NR4A1: variants seen among roughly 807,000 people sequenced by gnomAD.
The protein encoded by NR4A1 is nuclear receptor subfamily 4 group A member 1.
In NR4A1, 24 loss-of-function variants were observed where a neutral mutation model predicts 47.5. The ratio of observed to expected loss-of-function variants is 0.50; its 90% CI spans 0.37 to 0.71. NR4A1 has a LOEUF of 0.71. NR4A1 is among the 30% of genes least tolerant of loss of function. The pLI is 0.00. For missense variants in NR4A1, 669 were observed against 788.6 expected, an observed-to-expected ratio of 0.85 and a Z score of 1.82; for synonymous variants, 353 against 345.7, an observed-to-expected ratio of 1.02 and a Z score of -0.24.
rs950952006 is a variant in NR4A1 at position 52,051,534 on chromosome 12, C to T, written c.-37C>T. On this transcript the variant is annotated 5_prime_UTR_variant, in exon 1 of 7. Coordinates refer to ENST00000394825, the MANE Select transcript of NR4A1 (RefSeq NM_173157.3). ...CCAGGGACCAGGCTGAGACTCGGGG[C>T]GCCAGTCCGGGCAGGGGCAGCGGGA... The T allele has an allele frequency of 7.2e-5, 71 of 985,774 alleles. No homozygotes were observed. Among genetic ancestry groups the T allele is most frequent in the Non-Finnish European group, 8.3e-5 (69 of 830,306 alleles). The allele number at this position is 985,774 out of a possible 1,614,324, so 61.1% of individuals were successfully genotyped here. A position where few individuals can be genotyped will look rare whatever the true frequency, so the allele number is the denominator to read the frequency against.
At chr12:52,038,100 T>TG (rs1938309100) in intron 1 of NR4A1, 2 of 967,566 alleles carry the variant, frequency 2.1e-6, no homozygotes, top group Non-Finnish European at 2.4e-6. Context: ...AGTCTCGCTC[T>TG]GTTGCCCAGG....
chr12:52,049,849 TTGAG>T (rs1389724734), upstream of NR4A1, among the ~76,000 whole-genome samples: 11 of 151,798 alleles, frequency 7.2e-5, no homozygotes, highest in African/African-American at 1.4e-4. Context: ...TGTGGGACCT[TTGAG>T]TGGGCAGAAG....
chr12:52,042,203 A>T (rs966367552), intron 2 of NR4A1, among the ~76,000 whole-genome samples: 19 of 152,026 alleles, frequency 1.2e-4, no homozygotes, highest in East Asian at 5.8e-4. Flanking sequence ...GGAGTAGGGG[A>T]TGACAGCTGC....
chr12:52,056,641 C>A lies in NR4A1; in HGVS notation c.1154C>A (p.Ser385Tyr). ...CCCAGCACTGCCAAACTGGACTACT[C>A]CAAGGTGAGGTCCCACCCCGTGTCT... The part of the protein sequence containing the change: ...SGPSTAKLDY[S>Y]KFQELVLPHF... The change falls in exon 4 of 7, where the codon TCC becomes TAC. Residue 385 changes from serine (S) to tyrosine (Y), a missense_variant. Physicochemically the swap from Ser to Tyr is moderately radical, Grantham distance 144. Transcript: ENST00000394825. 6.3e-7 allele frequency: 1 copy of A among 1,586,282 alleles called. No homozygotes were observed. The highest frequency in any genetic ancestry group is 8.5e-7 in the Non-Finnish European group (1 of 1,171,008).
chr12:52,028,325 C>T (rs1938044423), intron 1 of NR4A1, among the ~76,000 whole-genome samples: 1 of 152,044 alleles, frequency 6.6e-6, no homozygotes, highest in South Asian at 2.1e-4. Context: ...CCTGTAATCC[C>T]AGCACTTTGG....
At chr12:52,028,062 C>T (rs1424796337) in intron 1 of NR4A1, among the ~76,000 whole-genome samples, 2 of 151,556 alleles carry the variant, frequency 1.3e-5, no homozygotes, top group African/African-American at 2.4e-5. Context: ...ATTAGCCGGG[C>T]GTGGTGGCAT....
At chr12:52,024,980 C>T (rs1204900305) in intron 1 of NR4A1, among the ~76,000 whole-genome samples, 2 of 152,058 alleles carry the variant, frequency 1.3e-5, no homozygotes, top group Non-Finnish European at 2.9e-5. Flanking sequence ...CTTCCTGAGA[C>T]TGCACGAGCT....
At position 52,059,068 on chromosome 12, in the gene NR4A1, A is replaced by C; in HGVS notation, c.*124A>C. On this transcript the variant is annotated 3_prime_UTR_variant, in exon 7 of 7. Transcript: ENST00000394825. Reference sequence around the variant, plus strand: ...AGCTGCAGAATGACTCCACCTTCTCACCTGCTCCAGGAGGTTTGCAGGGAG... The same window carrying C: ...AGCTGCAGAATGACTCCACCTTCTCCCCTGCTCCAGGAGGTTTGCAGGGAG... 15 of 1,254,702 alleles carry C rather than the reference A, an allele frequency of 1.2e-5. No homozygotes were observed. The highest frequency in any genetic ancestry group is 1.5e-5 in the Non-Finnish European group (14 of 924,388). The allele number at this position is 1,254,702 out of a possible 1,614,324, so 77.7% of individuals were successfully genotyped here.
At chr12:52,045,635 T>A (rs891645493) in intron 2 of NR4A1, 5 of 396,408 alleles carry the variant, frequency 1.3e-5, no homozygotes, top group Non-Finnish European at 2.6e-5. Flanking sequence ...GACAAGGGAC[T>A]GGCCTCAGGT....
chr12:52,043,925 C>A, intron 2 of NR4A1: 1 of 1,288,928 alleles, frequency 7.8e-7, no homozygotes, highest in South Asian at 1.2e-5. Context: ...AGTCTTGGGA[C>A]AGGGACATTG....
At chr12:52,031,680 A>C (rs1359647682) in intron 1 of NR4A1, among the ~76,000 whole-genome samples, 1 of 152,116 alleles carries the variant, frequency 6.6e-6, no homozygotes, top group Non-Finnish European at 1.5e-5. Flanking sequence ...TCCTTGGAGA[A>C]GCTTTCTCTT....
Position 52,055,207 on chromosome 12 carries a change from AC to A in NR4A1, c.876+5del. 1 of 1,611,392 alleles carries A rather than the reference AC, an allele frequency of 6.2e-7. No homozygotes were observed. The highest frequency in any genetic ancestry group is 1.7e-4 in the Middle Eastern group (1 of 5,842). ...AGGGCTGCAAGGGCTTCTTCAAGGT[AC>A]CGCGCAGCCCCAGGTGGGGCCTTTT... On this transcript the variant is annotated splice_donor_region_variant and intron_variant, in intron 2 of 6. Coordinates refer to ENST00000394825, the MANE Select transcript of NR4A1 (RefSeq NM_173157.3).
upstream of NR4A1, among the ~76,000 whole-genome samples, chr12:52,047,751 T>C (rs1252758961): frequency 6.6e-6 from 1 of 152,202 alleles, no homozygotes; most frequent in East Asian, 1.9e-4. Flanking sequence ...TTCCTTGGGC[T>C]TATGGGTGGG....
intron 1 of NR4A1, chr12:52,037,808 C>G: frequency 1.0e-6 from 1 of 985,472 alleles, no homozygotes; most frequent in Non-Finnish European, 1.2e-6. Flanking sequence ...GTGATGCAAC[C>G]CCTTCGAGGG....
chr12:52,056,772 A>AAAGG, intron 4 of NR4A1, 127 bp downstream of exon 4: 1 of 984,784 alleles, frequency 1.0e-6, no homozygotes, highest in Non-Finnish European at 1.4e-6. Flanking sequence ...AGAAAGAAAG[A>AAAGG]AAAGCGACTC....
At chr12:52,038,200 G>T in intron 1 of NR4A1, 1 of 450,768 alleles carries the variant, frequency 2.2e-6, no homozygotes, top group Non-Finnish European at 2.9e-6. Flanking sequence ...GAGTAGCTGG[G>T]ACTACAGGCA....
Position 52,055,539 on chromosome 12 carries a change from A to C in NR4A1, c.876+335A>C, listed in dbSNP as rs1939216396. 7.4e-6 allele frequency: 4 copies of C among 541,876 alleles called. No individual in the cohort carries two copies. In the South Asian group the frequency reaches 1.1e-4, roughly 15 times the overall value. 33.6% of individuals were successfully genotyped at this position (541,876 alleles called of 1,614,324 possible). On this transcript the variant is annotated intron_variant, in intron 2 of 6. Transcript: ENST00000394825. ...CTCCCAACTCAAGGTTCTAGTGGGA[A>C]GGGGTGCCCCCAGGCTCTCATGTTC... is the stretch of plus-strand genomic sequence containing the variant.
At chr12:52,039,094 T>TTTCTGGGCC (rs1370306704) in intron 1 of NR4A1, among the ~76,000 whole-genome samples, 1 of 152,254 alleles carries the variant, frequency 6.6e-6, no homozygotes, top group Non-Finnish European at 1.5e-5. Flanking sequence ...TTAACATTTC[T>TTTCTGGGCC]TTCTGGGCCT....
intron 1 of NR4A1, among the ~76,000 whole-genome samples, chr12:52,032,358 T>C (rs566960815): frequency 1.2e-4 from 19 of 152,368 alleles, no homozygotes; most frequent in African/African-American, 4.6e-4. Flanking sequence ...ATCCATGCTC[T>C]GATTCTTGCA....
Sources: gnomAD v4.1 joint callset for allele counts (sites outside exome capture counted in the v4.1 genomes callset) on GRCh38, gnomAD v4.1.1 for gene constraint, MANE v1.5 for transcripts, NCBI Gene and HGNC (gene_info 2026-07-23, HGNC 2026-07-21) for gene names.